Variants in LRP6 observed in about 807,000 individuals in gnomAD.
LRP6 encodes the protein LDL receptor related protein 6.
LRP6 carries 43 observed loss-of-function variants against 184.1 expected under a neutral mutation model. The ratio of observed to expected loss-of-function variants is 0.23; its 90% confidence interval spans 0.18 to 0.30. LRP6 has a LOEUF of 0.30. LRP6 is among the 10% of genes least tolerant of loss of function. The pLI, the probability that LRP6 is intolerant of heterozygous loss-of-function variation, is 1.00. For missense variants in LRP6, 1,571 were observed against 2,005.3 expected (o/e 0.78, Z 4.14); for synonymous variants, 719 against 684.9 (o/e 1.05, Z -0.78).
At chr12:12,188,583 T>C (rs1043147397) in intron 3 of LRP6, among the ~76,000 whole-genome samples, 1 of 152,248 alleles carries the variant, frequency 6.6e-6, no homozygotes, top group Non-Finnish European at 1.5e-5. Context: ...CGTCTGTGAT[T>C]GCACATGGAA....
intron 3 of LRP6, among the ~76,000 whole-genome samples, 163 bp downstream of exon 3, chr12:12,203,040 A>G (rs1863957200): frequency 6.6e-6 from 1 of 152,230 alleles, no homozygotes; most frequent in Non-Finnish European, 1.5e-5. Context: ...GATAAATGTA[A>G]TTACTTTTAA....
At chr12:12,161,547 A>T (rs1472622295) in intron 10 of LRP6, among the ~76,000 whole-genome samples, 1 of 152,190 alleles carries the variant, frequency 6.6e-6, no homozygotes, top group Non-Finnish European at 1.5e-5. Context: ...CTGGGATTAC[A>T]AGCGTGAGCC....
chr12:12,145,240 G>T (rs183779187), intron 15 of LRP6, among the ~76,000 whole-genome samples: 1 of 151,600 alleles, frequency 6.6e-6, no homozygotes, highest in Non-Finnish European at 1.5e-5. Flanking sequence ...TATACCAGGC[G>T]TGTAACTATA....
At chr12:12,248,049 C>T (rs1310032813) in intron 1 of LRP6, among the ~76,000 whole-genome samples, 3 of 152,290 alleles carry the variant, frequency 2.0e-5, no homozygotes, top group Admixed American at 6.5e-5. Flanking sequence ...AAATGTCATA[C>T]ATCCCCAACA....
In LRP6 at chr12:12,215,704, G is replaced by C. The variant is rs541459106; in HGVS notation, c.450-12304C>G. On this transcript the variant is annotated intron_variant, in intron 2 of 22. Transcript: ENST00000261349. ...CAGTGTTTTCAGGTATTAAAGATCA[G>C]AGTTTTCTTTTAAGAATCTATTTGT... Among the ~76,000 whole-genome samples, 20 of 150,138 alleles carry C rather than the reference G, an allele frequency of 1.3e-4. No individual in the cohort carries two copies. In the South Asian group the frequency reaches 4.0e-3, roughly 30 times the overall value.
chr12:12,171,293 G>C (rs558858648), intron 7 of LRP6, among the ~76,000 whole-genome samples: 373 of 152,254 alleles, frequency 2.4e-3, no homozygotes, highest in Middle Eastern at 0.014. Context: ...AAGGAGGGCG[G>C]ATCACCAGGT....
chr12:12,178,016 G>A (rs931624492), intron 7 of LRP6, among the ~76,000 whole-genome samples: 1 of 152,022 alleles, frequency 6.6e-6, no homozygotes, highest in Non-Finnish European at 1.5e-5. Flanking sequence ...GTATGTATGT[G>A]TCTGTATGTA....
intron 12 of LRP6, among the ~76,000 whole-genome samples, chr12:12,158,009 T>C (rs1226014727): frequency 6.6e-6 from 1 of 152,198 alleles, no homozygotes. Flanking sequence ...CAGGACCAAA[T>C]GAAAAGATCT....
At chr12:12,124,851 T>G (rs963421078) in intron 21 of LRP6, among the ~76,000 whole-genome samples, 189 bp from the exon 22 acceptor site, 1 of 152,280 alleles carries the variant, frequency 6.6e-6, no homozygotes, top group African/African-American at 2.4e-5. Flanking sequence ...TAAGACCTCA[T>G]CATGGCTAAA....
At chr12:12,211,485 G>A (rs1163735442) in intron 2 of LRP6, among the ~76,000 whole-genome samples, 1 of 152,198 alleles carries the variant, frequency 6.6e-6, no homozygotes, top group Non-Finnish European at 1.5e-5. Flanking sequence ...CATGGTTTGG[G>A]ACGGTAAGAT....
chr12:12,163,073 T>G (rs950999113), intron 9 of LRP6, among the ~76,000 whole-genome samples: 3 of 152,116 alleles, frequency 2.0e-5, no homozygotes, highest in Non-Finnish European at 2.9e-5. Context: ...CCTCCCAGGT[T>G]CAAGTGATTC....
chr12:12,142,040 T>C (rs1300460976), intron 15 of LRP6, among the ~76,000 whole-genome samples: 2 of 152,152 alleles, frequency 1.3e-5, no homozygotes. Flanking sequence ...ATGTTTAACG[T>C]CTAAAAGAGA....
chr12:12,239,174 A>G (rs1178551900), intron 2 of LRP6, among the ~76,000 whole-genome samples: 1 of 152,180 alleles, frequency 6.6e-6, no homozygotes, highest in Non-Finnish European at 1.5e-5. Flanking sequence ...TTAACAGAAC[A>G]TCCTTCAAAA....
At position 12,181,316 on chromosome 12, in the gene LRP6, T is replaced by C; in HGVS notation, c.1100A>G (p.Tyr367Cys). ...GTAGATGTAGCCTTCCACAGGATCG[T>C]AATCTATGGCAATGGCATGACGGAT... is the stretch of plus-strand genomic sequence containing the variant. ...EDIRHAIAID[Y>C]DPVEGYIYWT... Residue 367 changes from tyrosine (Y) to cysteine (C), a missense_variant, in exon 6 of 23, where the codon TAC becomes TGC. Tyr to Cys is a radical substitution (Grantham distance 194). Coordinates refer to ENST00000261349, the MANE Select transcript of LRP6 (RefSeq NM_002336.3). 3.7e-6 allele frequency: 6 copies of C among 1,614,150 alleles called. No homozygotes were observed. The highest frequency in any genetic ancestry group is 5.1e-6 in the Non-Finnish European group (6 of 1,179,994).
chr12:12,249,730 A>AGGAG (rs982505578), intron 1 of LRP6, among the ~76,000 whole-genome samples: 2 of 141,920 alleles, frequency 1.4e-5, no homozygotes, highest in African/African-American at 5.2e-5. Context: ...GAAGGAAGGA[A>AGGAG]GGAAATAAAT....
rs1949526228 is a variant in LRP6 at position 12,116,911 on chromosome 12, A to G, written c.*4215T>C. ...GTACAGGCTTTATGAGACGTAGATC[A>G]AGTCAGACAATAGCCTGAGAGTGTG... On this transcript the variant is annotated 3_prime_UTR_variant, in exon 23 of 23. Transcript: ENST00000261349. 6.6e-6 allele frequency: 1 copy of G among 152,246 alleles called. No homozygotes were observed. Among genetic ancestry groups the G allele is most frequent in the South Asian group, 2.1e-4 (1 of 4,832 alleles). The allele number at this position is 152,246 out of a possible 1,614,324, so 9.4% of individuals were successfully genotyped here. A position where few individuals can be genotyped will look rare whatever the true frequency, so the allele number is the denominator to read the frequency against.
chr12:12,249,405 C>A, intron 1 of LRP6: 1 of 851,258 alleles, frequency 1.2e-6, no homozygotes. Flanking sequence ...CCTCAGCCAC[C>A]TCAAGGACAG....
chr12:12,179,700 G>T, intron 7 of LRP6, 110 bp downstream of exon 7: 1 of 1,143,548 alleles, frequency 8.7e-7, no homozygotes, highest in Non-Finnish European at 1.3e-6. Flanking sequence ...GGTACCTTTG[G>T]CACCCCAGAC....
At chr12:12,257,147 GGAT>G (rs1433070575) in intron 1 of LRP6, among the ~76,000 whole-genome samples, 2 of 152,176 alleles carry the variant, frequency 1.3e-5, no homozygotes, top group African/African-American at 4.8e-5. Context: ...AGGGAGCAGG[GGAT>G]GATAAGCGTT....
Sources: gnomAD v4.1 joint callset for allele counts (sites outside exome capture counted in the v4.1 genomes callset) on GRCh38, gnomAD v4.1.1 for gene constraint, MANE v1.5 for transcripts, NCBI Gene and HGNC (gene_info 2026-07-23, HGNC 2026-07-21) for gene names.